CD4: variants seen among roughly 807,000 people sequenced by gnomAD.
CD4 encodes the protein CD4 molecule, also known as T-cell surface glycoprotein CD4.
A neutral mutation model predicts 50.5 loss-of-function variants in CD4; 25 were observed. The observed-to-expected ratio is 0.49, with a 90% confidence interval of 0.36 to 0.69. The LOEUF (loss-of-function observed/expected upper bound fraction) is 0.69. Among genes scored for constraint, CD4 ranks in the 30% least tolerant of loss-of-function variants. CD4 has a pLI of 0.00. For synonymous variants in CD4, 207 were observed against 221.9 expected (o/e 0.93, Z 0.60); for missense variants, 456 against 548.5 (o/e 0.83, Z 1.68).
At chr12:6,808,552 T>A (rs1555116606) in intron 3 of CD4, among the ~76,000 whole-genome samples, 1 of 151,782 alleles carries the variant, frequency 6.6e-6, no homozygotes, top group Non-Finnish European at 1.5e-5. Context: ...TTTTCTTCTT[T>A]TTAAAAAGCC....
rs1309553368 is a variant in CD4, at chr12:6,818,448, A to G, written c.1184A>G (p.Gln395Arg). ...CTGCCCACATGGTCCACCCCGGTGC[A>G]GCCAATGGCCCTGATTGTGCTGGGG... ...KVLPTWSTPV[Q>R]PMALIVLGGV... Residue 395 changes from glutamine to arginine, a missense_variant, in exon 8 of 10, where the codon CAG becomes CGG. By Grantham distance (43) the Gln-to-Arg change is conservative. Coordinates refer to ENST00000011653, the MANE Select transcript of CD4 (RefSeq NM_000616.5). The surrounding 1 kb of genome is among the most constrained non-coding windows in gnomAD (Gnocchi z 5.0). 4 of 1,612,766 alleles carry G rather than the reference A, an allele frequency of 2.5e-6. No homozygotes were observed. Among genetic ancestry groups the G allele is most frequent in the African/African-American group, 1.3e-5 (1 of 74,924 alleles).
intron 3 of CD4, chr12:6,813,416 T>C (rs1942996642): frequency 6.6e-6 from 1 of 152,076 alleles, no homozygotes; most frequent in Admixed American, 6.5e-5. Flanking sequence ...CATTTTCTTA[T>C]GTTTAATTCG....
chr12:6,805,609 A>C (rs1555116046), intron 3 of CD4, among the ~76,000 whole-genome samples: 2 of 152,110 alleles, frequency 1.3e-5, no homozygotes, highest in African/African-American at 4.8e-5. Context: ...TATGCTAAAA[A>C]CTACACGATG....
intron 3 of CD4, among the ~76,000 whole-genome samples, chr12:6,807,865 G>A (rs1357046863): frequency 6.6e-6 from 1 of 152,088 alleles, no homozygotes; most frequent in Non-Finnish European, 1.5e-5. Context: ...TGGATGGCTT[G>A]AGTCCAGGAG....
In CD4 at chr12:6,818,477, G is replaced by A. The variant is rs1254431916; in HGVS notation, c.1213G>A (p.Val405Ile). Residue 405 changes from valine (V) to isoleucine (I), a missense_variant, in exon 8 of 10, where the codon GTC (valine) becomes ATC (isoleucine). By Grantham distance (29) the Val-to-Ile change is conservative. Coordinates refer to ENST00000011653, the MANE Select transcript of CD4 (RefSeq NM_000616.5). The surrounding 1 kb of genome is among the most constrained non-coding windows in gnomAD (Gnocchi z 5.0). ...AATGGCCCTGATTGTGCTGGGGGGC[G>A]TCGCCGGCCTCCTGCTTTTCATTGG... Reference protein sequence around the residue: ...QPMALIVLGGVAGLLLFIGLG... With the variant: ...QPMALIVLGGIAGLLLFIGLG... 3.7e-6 allele frequency: 6 copies of A among 1,612,802 alleles called. No homozygotes were observed. In the African/African-American group the frequency reaches 4.0e-5, roughly 11 times the overall value.
rs1943124387 is a variant in CD4 at position 6,817,771 on chromosome 12, C to T, written c.1156+441C>T. ...CACACTCATACACACACTACACACA[C>T]ATCCACACTCACACCCACACTCTCA... On this transcript the variant is annotated intron_variant, in intron 7 of 9. Coordinates refer to ENST00000011653, the MANE Select transcript of CD4 (RefSeq NM_000616.5). Among the ~76,000 whole-genome samples the T allele has an allele frequency of 2.1e-5, 3 of 144,262 alleles. No homozygotes were observed. The South Asian group carries it at 6.7e-4, about 32-fold the overall frequency. The allele number at this position is 144,262 out of a possible 152,430, so 94.6% of individuals were successfully genotyped here.
At chr12:6,808,888 AC>A (rs1405373725) in intron 3 of CD4, among the ~76,000 whole-genome samples, 8 of 152,104 alleles carry the variant, frequency 5.3e-5, no homozygotes, top group African/African-American at 1.9e-4. Context: ...ATTATTTAAA[AC>A]TTTTGGGGGG....
At chr12:6,815,937 TG>T in intron 5 of CD4, 118 bp from the exon 6 acceptor site, 1 of 1,530,280 alleles carries the variant, frequency 6.5e-7, no homozygotes, top group Non-Finnish European at 8.8e-7. Context: ...AGTGACAAGG[TG>T]GGTGTCTGGA....
chr12:6,816,427 G>A lies in CD4; in HGVS notation c.955+24G>A. 2 of 1,567,188 alleles carry A rather than the reference G, an allele frequency of 1.3e-6. No homozygotes were observed. The highest frequency in any genetic ancestry group is 1.7e-6 in the Non-Finnish European group (2 of 1,148,394). On this transcript the variant is annotated intron_variant, in intron 6 of 9. Coordinates refer to ENST00000011653, the MANE Select transcript of CD4 (RefSeq NM_000616.5). The surrounding 1 kb of genome is among the most constrained non-coding windows in gnomAD (Gnocchi z 4.9). ...AGGTGAGGGGCCAGGCCAGGGAGGG[G>A]TGGGCAGGGGAAGGAGTTGGAGGGG...
intron 6 of CD4, 85 bp from the exon 7 acceptor site, chr12:6,817,044 TA>T: frequency 8.3e-7 from 1 of 1,202,188 alleles, no homozygotes; most frequent in Non-Finnish European, 1.2e-6. Context: ...TCTAAAAGGC[TA>T]AAAGAAGGTC....
Position 6,792,371 on chromosome 12 carries a change from C to T in CD4, c.-68+2709C>T, listed in dbSNP as rs28917470. ...ATTTTGGTCTCTTCTCTTTCTCAGT[C>T]TCTCTTTGCCTCACTTTGGATCTAT... On this transcript the variant is annotated intron_variant, in intron 1 of 9. Transcript: ENST00000011653. The surrounding 1 kb of genome is among the most constrained non-coding windows in gnomAD (Gnocchi z 4.1). Among the ~76,000 whole-genome samples, 184 of 152,282 alleles carry T rather than the reference C, an allele frequency of 1.2e-3. 1 individual carries two copies. The highest frequency in any genetic ancestry group is 3.8e-3 in the African/African-American group (159 of 41,558).
chr12:6,818,319 A>G lies in CD4; in HGVS notation c.1157-102A>G. 2 of 1,425,026 alleles carry G rather than the reference A, an allele frequency of 1.4e-6. No homozygotes were observed. The highest frequency in any genetic ancestry group is 1.4e-5 in the African/African-American group (1 of 69,748). The allele number at this position is 1,425,026 out of a possible 1,614,324, so 88.3% of individuals were successfully genotyped here. A position where few individuals can be genotyped will look rare whatever the true frequency, so the allele number is the denominator to read the frequency against. ...CACCCCTCCCCTCTCCCCCAACCCC[A>G]GGGTCAAACCAGAGACTGGCCAGGA... On this transcript the variant is annotated intron_variant, in intron 7 of 9. Coordinates refer to ENST00000011653, the MANE Select transcript of CD4 (RefSeq NM_000616.5). The surrounding 1 kb of genome is among the most constrained non-coding windows in gnomAD (Gnocchi z 5.0).
intron 3 of CD4, among the ~76,000 whole-genome samples, chr12:6,811,648 A>G (rs1432861017): frequency 6.8e-6 from 1 of 147,526 alleles, no homozygotes; most frequent in African/African-American, 2.5e-5. Flanking sequence ...ATGCGTCACT[A>G]TGCTCTGGCT....
intron 3 of CD4, among the ~76,000 whole-genome samples, chr12:6,806,100 A>G (rs996597237): frequency 6.6e-6 from 1 of 150,876 alleles, no homozygotes; most frequent in African/African-American, 2.4e-5. Flanking sequence ...GAAGTTTGAG[A>G]TCAGCCTGGG....
chr12:6,799,960 C>T (rs1942485506), intron 1 of CD4, 112 bp from the exon 2 acceptor site: 2 of 610,334 alleles, frequency 3.3e-6, no homozygotes, highest in Admixed American at 2.8e-5. Context: ...TATTCTCCTG[C>T]CTCAAGTTCA....
chr12:6,793,694 AT>A (rs1565488187), intron 1 of CD4, among the ~76,000 whole-genome samples: 13 of 38,662 alleles, frequency 3.4e-4, no homozygotes, highest in South Asian at 1.3e-3. Context: ...CTATCTATCT[AT>A]CTATCTATCT....
rs575781462 is a variant in CD4, at chr12:6,802,319, CT to C, written c.214+1863del. On this transcript the variant is annotated intron_variant, in intron 3 of 9. Transcript: ENST00000011653. ...ACATTTTGATTGATTTTCTTCCAAT[CT>C]TTTTTTTTTTTTTTCTTTTTGAGAC... 3.6e-3 allele frequency among the ~76,000 whole-genome samples: 503 copies of C among 140,870 alleles called. 1 individual carries two copies. The highest frequency in any genetic ancestry group is 4.0e-3 in the Middle Eastern group (1 of 248). 92.4% of individuals were successfully genotyped at this position (140,870 alleles called of 152,430 possible). A position where few individuals can be genotyped will look rare whatever the true frequency, so the allele number is the denominator to read the frequency against.
At chr12:6,814,555 G>A (rs1414769608) in intron 4 of CD4, 4 of 673,814 alleles carry the variant, frequency 5.9e-6, no homozygotes, top group Non-Finnish European at 1.0e-5. Context: ...AGAGACTGGG[G>A]AAGAGAGGAT....
At chr12:6,817,796 AC>A (rs67162478) in intron 7 of CD4, among the ~76,000 whole-genome samples, 15,639 of 148,840 alleles carry the variant, frequency 0.11, 1,004 homozygotes, top group East Asian at 0.29. Context: ...CCACACTCTC[AC>A]CCCATGTACT....
Sources: allele counts gnomAD v4.1 joint callset (sites outside exome capture counted in the v4.1 genomes callset), GRCh38; gene constraint gnomAD v4.1.1; non-coding constraint Gnocchi (gnomAD v3.1); transcripts MANE v1.5; gene names NCBI Gene and HGNC (gene_info 2026-07-23, HGNC 2026-07-21).